IGSF10: variants seen among roughly 807,000 people sequenced by gnomAD.
IGSF10 encodes the protein calvaria mechanical force protein 608.
A neutral mutation model predicts 128.2 loss-of-function variants in IGSF10; 126 were observed. The observed-to-expected ratio is 0.98, with a 90% CI of 0.85 to 1.14. The LOEUF (loss-of-function observed/expected upper bound fraction) is 1.14. IGSF10 is among the 50% of genes most tolerant of loss of function. IGSF10 has a pLI of 0.00. For missense variants in IGSF10, 3,295 were observed against 3,149.8 expected (o/e 1.05, Z -1.10); for synonymous variants, 1,185 against 1,146.2 (o/e 1.03, Z -0.68).
chr3:151,433,004 T>C, downstream of IGSF10: 1 of 538,436 alleles, frequency 1.9e-6, no homozygotes, highest in Non-Finnish European at 3.3e-6. Flanking sequence ...TTTTGTTGAA[T>C]TCACCTTTAA....
the IGSF10 span, among the ~76,000 whole-genome samples, chr3:151,497,506 G>C: frequency 6.6e-6 from 1 of 152,118 alleles, no homozygotes; most frequent in Non-Finnish European, 1.5e-5. Context: ...CATTATTTCT[G>C]AGGGCTCTGT....
chr3:151,519,582 G>T, the IGSF10 span, among the ~76,000 whole-genome samples: 2 of 151,916 alleles, frequency 1.3e-5, no homozygotes, highest in Middle Eastern at 3.4e-3. Flanking sequence ...TAAGAATGTG[G>T]TTACTTTGGT....
chr3:151,456,980 T>C, intron 4 of IGSF10, 46 bp downstream of exon 4: 7 of 1,607,728 alleles, frequency 4.4e-6, no homozygotes, highest in Non-Finnish European at 6.0e-6. Context: ...ATCTCACAGG[T>C]CCCACCTTAC....
the IGSF10 span, among the ~76,000 whole-genome samples, chr3:151,471,400 T>C: frequency 0.012 from 1,783 of 152,316 alleles, 39 homozygotes; most frequent in African/African-American, 0.042. Context: ...GAATTAATAC[T>C]TTTTTATTGA....
the IGSF10 span, among the ~76,000 whole-genome samples, chr3:151,527,029 T>G: frequency 6.6e-6 from 1 of 152,328 alleles, no homozygotes; most frequent in South Asian, 2.1e-4. Context: ...ACCTAAACCC[T>G]GTACAGATCT....
rs201983963 is a variant in IGSF10 at position 151,448,051 on chromosome 3, G to A, written c.1930C>T (p.Arg644Cys). The A allele has an allele frequency of 2.5e-5, 40 of 1,614,022 alleles. No individual in the cohort carries two copies. The highest frequency in any genetic ancestry group is 1.7e-4 in the African/African-American group (13 of 74,894). The change falls in exon 6 of 8, where the codon CGC (arginine) becomes TGC (cysteine). Residue 644 changes from arginine (R) to cysteine (C), a missense_variant. Coordinates refer to ENST00000282466, the MANE Select transcript of IGSF10 (RefSeq NM_178822.5). ...QVTPKDQGYY[R>C]CVAANPSGVD... ...CCTGATGGGTTGGCTGCCACACAGCGATAATAACCTTGGTCTTTCGGGGTG... is the reference window on the plus strand; with the variant it reads ...CCTGATGGGTTGGCTGCCACACAGCAATAATAACCTTGGTCTTTCGGGGTG...
chr3:151,497,805 A>G, the IGSF10 span, among the ~76,000 whole-genome samples: 8 of 152,132 alleles, frequency 5.3e-5, no homozygotes, highest in African/African-American at 1.7e-4. Context: ...CTTCCTATCC[A>G]TGAGCATGGA....
chr3:151,611,765 T>C, the IGSF10 span, among the ~76,000 whole-genome samples: 4 of 152,192 alleles, frequency 2.6e-5, no homozygotes, highest in Non-Finnish European at 5.9e-5. Context: ...TTAAATCATA[T>C]ATTTATTTTG....
At chr3:151,493,325 T>TAAA in the IGSF10 span, among the ~76,000 whole-genome samples, 1 of 152,212 alleles carries the variant, frequency 6.6e-6, no homozygotes, top group African/African-American at 2.4e-5. Context: ...AATATATTAG[T>TAAA]TTGCTTCACT....
At chr3:151,444,578 T>C (rs954270480) in intron 6 of IGSF10, among the ~76,000 whole-genome samples, 2 of 152,206 alleles carry the variant, frequency 1.3e-5, no homozygotes, top group Non-Finnish European at 2.9e-5. Context: ...CCCAAAGTGC[T>C]GGGATTACAG....
At chr3:151,591,394 A>T in the IGSF10 span, among the ~76,000 whole-genome samples, 1 of 146,460 alleles carries the variant, frequency 6.8e-6, no homozygotes, top group Admixed American at 6.8e-5. Flanking sequence ...TATATAAAAA[A>T]TATATAAATA....
intron 5 of IGSF10, among the ~76,000 whole-genome samples, chr3:151,452,430 T>C (rs1302317570): frequency 6.6e-6 from 1 of 152,218 alleles, no homozygotes; most frequent in African/African-American, 2.4e-5. Flanking sequence ...TATTTATGTA[T>C]CTAAACTTAG....
chr3:151,541,675 T>C, the IGSF10 span, among the ~76,000 whole-genome samples: 1 of 152,226 alleles, frequency 6.6e-6, no homozygotes, highest in Non-Finnish European at 1.5e-5. Flanking sequence ...TATTATTTCA[T>C]CTTACTAATA....
the IGSF10 span, among the ~76,000 whole-genome samples, chr3:151,558,463 C>A: frequency 6.6e-6 from 1 of 151,994 alleles, no homozygotes; most frequent in Admixed American, 6.6e-5. Flanking sequence ...TCTTGCTATA[C>A]TATTGGGGTT....
chr3:151,526,895 T>C, the IGSF10 span, among the ~76,000 whole-genome samples: 2 of 152,318 alleles, frequency 1.3e-5, no homozygotes, highest in East Asian at 1.9e-4. Context: ...CAAAACTGCC[T>C]GCACTGTGGC....
chr3:151,594,391 T>C, the IGSF10 span, among the ~76,000 whole-genome samples: 2 of 149,328 alleles, frequency 1.3e-5, no homozygotes, highest in Admixed American at 6.8e-5. Context: ...TGGAGTGCAG[T>C]GGCGCAATCT....
chr3:151,581,907 C>T, the IGSF10 span, among the ~76,000 whole-genome samples: 7 of 152,030 alleles, frequency 4.6e-5, no homozygotes, highest in South Asian at 1.5e-3. Flanking sequence ...TCTGTCTCCA[C>T]TAAAAATACA....
the IGSF10 span, among the ~76,000 whole-genome samples, chr3:151,575,506 T>C: frequency 6.6e-6 from 1 of 152,146 alleles, no homozygotes; most frequent in African/African-American, 2.4e-5. Context: ...TGAGCAAGGC[T>C]CCATGGGCAT....
the IGSF10 span, among the ~76,000 whole-genome samples, chr3:151,492,272 C>A: frequency 6.6e-6 from 1 of 152,128 alleles, no homozygotes; most frequent in Non-Finnish European, 1.5e-5. Context: ...CTCAACATCA[C>A]TAATGAGGAG....
Sources: allele counts gnomAD v4.1 joint callset (sites outside exome capture counted in the v4.1 genomes callset), GRCh38; gene constraint gnomAD v4.1.1; transcripts MANE v1.5; gene names NCBI Gene and HGNC (gene_info 2026-07-23, HGNC 2026-07-21).